The following NPTN variants were observed in gnomAD, a reference collection of about 807,000 sequenced individuals.
The protein encoded by NPTN is neuroplastin, also known as SDR-1.
Under a neutral mutation model 42.7 loss-of-function variants are expected in NPTN, and 5 were observed. The observed-to-expected ratio is 0.12, with a 90% CI of 0.06 to 0.25. NPTN has a LOEUF of 0.25. NPTN is among the 10% of genes least tolerant of loss of function. The probability of loss-of-function intolerance (pLI) is 1.00; values close to 1 mark genes in which losing one functional copy is unlikely to be tolerated. For missense variants in NPTN, 307 were observed against 525.4 expected (o/e 0.58, Z 4.06); for synonymous variants, 180 against 201.9 (o/e 0.89, Z 0.92).
chr15:73,587,717 G>A (rs984315724), intron 3 of NPTN, 99 bp from the exon 4 acceptor site: 44 of 859,168 alleles, frequency 5.1e-5, no homozygotes, highest in African/African-American at 1.3e-4. Flanking sequence ...CCTGCTCTCC[G>A]AACCCTTAAT....
At chr15:73,568,422 G>C (rs550260148) in intron 6 of NPTN, 1 of 985,384 alleles carries the variant, frequency 1.0e-6, no homozygotes, top group Non-Finnish European at 1.2e-6. Context: ...CAAAGCAAAA[G>C]CATTCTGGGG....
intron 2 of NPTN, among the ~76,000 whole-genome samples, chr15:73,595,024 C>A (rs1896768644): frequency 6.6e-6 from 1 of 151,012 alleles, no homozygotes; most frequent in Non-Finnish European, 1.5e-5. Flanking sequence ...CTTGGGTTAA[C>A]TGACTGATGG....
Position 73,602,415 on chromosome 15 carries a change from A to T in NPTN, c.92-5046T>A, listed in dbSNP as rs938706476. Reference sequence around the variant, plus strand: ...AGCGTTTCTCTCCTCTGTCTCTCTCACACACACACAAATTCAAATCGTCTA... The same window carrying T: ...AGCGTTTCTCTCCTCTGTCTCTCTCTCACACACACAAATTCAAATCGTCTA... On this transcript the variant is annotated intron_variant, in intron 1 of 8. Transcript: ENST00000345330. Among the ~76,000 whole-genome samples, 142 of 152,224 alleles carry T rather than the reference A, an allele frequency of 9.3e-4. 1 individual carries two copies. Among genetic ancestry groups the T allele is most frequent in the African/African-American group, 3.2e-3 (134 of 41,530 alleles).
chr15:73,567,471 C>T (rs1340964926), intron 6 of NPTN: 8 of 984,944 alleles, frequency 8.1e-6, no homozygotes, highest in Admixed American at 6.2e-5. Flanking sequence ...AAGGAGTGTA[C>T]GTATATATCT....
chr15:73,630,768 A>G (rs1187997451), intron 1 of NPTN, among the ~76,000 whole-genome samples: 1 of 152,224 alleles, frequency 6.6e-6, no homozygotes, highest in Non-Finnish European at 1.5e-5. Flanking sequence ...TCCCTTTTTG[A>G]AAGCACTGTA....
chr15:73,630,217 C>T (rs889808069), intron 1 of NPTN, among the ~76,000 whole-genome samples: 14 of 152,166 alleles, frequency 9.2e-5, no homozygotes, highest in African/African-American at 3.4e-4. Flanking sequence ...AGATGATGAA[C>T]TGATGAAACT....
chr15:73,569,573 C>T lies in NPTN; in HGVS notation c.1114+577G>A, dbSNP rs929123287. ...AGATGGAAAGCCACCCAGCAGAGAG[C>T]GCTGGAAACCTATCAAAGGGACCAA... On this transcript the variant is annotated intron_variant, in intron 6 of 8. Coordinates refer to ENST00000345330, the MANE Select transcript of NPTN (RefSeq NM_012428.4). The surrounding 1 kb of genome is among the most constrained non-coding windows in gnomAD (Gnocchi z 4.1). The T allele has an allele frequency of 3.2e-5, 32 of 985,286 alleles. 1 individual carries two copies. In the Admixed American group the frequency reaches 6.1e-4, roughly 19 times the overall value. 61.0% of individuals were successfully genotyped at this position (985,286 alleles called of 1,614,324 possible).
At chr15:73,562,703 A>G (rs2141346098) in intron 7 of NPTN, among the ~76,000 whole-genome samples, 1 of 152,330 alleles carries the variant, frequency 6.6e-6, no homozygotes, top group African/African-American at 2.4e-5. Context: ...TCCAGGCTAT[A>G]GTTCAGCCTC....
Position 73,569,695 on chromosome 15 carries a change from G to GT in NPTN, c.1114+454dup, listed in dbSNP as rs1428637118. ...TACAGGGGCTACACCAGGCAACCAT[G>GT]TGACAACCAGTTAGATACCTTAAAT... On this transcript the variant is annotated intron_variant, in intron 6 of 8. Transcript: ENST00000345330. The surrounding 1 kb of genome is among the most constrained non-coding windows in gnomAD (Gnocchi z 4.1). The GT allele has an allele frequency of 2.0e-6, 2 of 985,356 alleles. No homozygotes were observed. The highest frequency in any genetic ancestry group is 3.5e-5 in the African/African-American group (2 of 57,254). 61.0% of individuals were successfully genotyped at this position (985,356 alleles called of 1,614,324 possible).
chr15:73,584,157 T>A (rs1005328633), intron 4 of NPTN, among the ~76,000 whole-genome samples: 1 of 152,132 alleles, frequency 6.6e-6, no homozygotes, highest in Admixed American at 6.5e-5. Flanking sequence ...CTCAACCCCC[T>A]TCTGGGCTGG....
intron 1 of NPTN, among the ~76,000 whole-genome samples, chr15:73,600,246 G>C (rs1033921925): frequency 2.0e-5 from 3 of 152,142 alleles, no homozygotes; most frequent in African/African-American, 7.2e-5. Flanking sequence ...AATGTTCTTT[G>C]CATTAGTAAA....
intron 7 of NPTN, 140 bp downstream of exon 7, chr15:73,563,096 C>T (rs1201173826): frequency 1.5e-6 from 1 of 660,232 alleles, no homozygotes; most frequent in Admixed American, 2.6e-5. Flanking sequence ...AGATCTGTGT[C>T]AAGCTAAGAA....
At chr15:73,574,547 G>C (rs1895583751) in intron 4 of NPTN, among the ~76,000 whole-genome samples, 4 of 152,262 alleles carry the variant, frequency 2.6e-5, no homozygotes, top group South Asian at 4.1e-4. Context: ...CGAGTAACTA[G>C]AACTACAGGC....
chr15:73,633,248 C>G lies in NPTN; in HGVS notation c.-33G>C, dbSNP rs758929966. ...AGCAGAAGACCCAACAGCGAATGGG[C>G]CGGGGCCAGAGCCGGGGCCGGGGAA... On this transcript the variant is annotated 5_prime_UTR_variant, in exon 1 of 9. Transcript: ENST00000345330. The G allele has an allele frequency of 1.9e-5, 25 of 1,293,614 alleles. No individual in the cohort carries two copies. The highest frequency in any genetic ancestry group is 2.5e-5 in the Non-Finnish European group (24 of 945,188). 80.1% of individuals were successfully genotyped at this position (1,293,614 alleles called of 1,614,324 possible). A position where few individuals can be genotyped will look rare whatever the true frequency, so the allele number is the denominator to read the frequency against.
At position 73,570,579 on chromosome 15, in the gene NPTN, AC is replaced by A. The variant is rs1393358390; in HGVS notation, c.841-157del. ...TAATGATTTCCCTTCAGTATCAACA[AC>A]AACAAATCAACTTCTGACAGAGCCA... On this transcript the variant is annotated intron_variant, in intron 5 of 8. Transcript: ENST00000345330. This position sits in a 1 kb window ranked among gnomAD's most constrained non-coding sequence, Gnocchi z 4.0. Among the ~76,000 whole-genome samples, 1 of 152,242 alleles carries A rather than the reference AC, an allele frequency of 6.6e-6. No homozygotes were observed. The highest frequency in any genetic ancestry group is 1.5e-5 in the Non-Finnish European group (1 of 68,048).
At chr15:73,610,976 T>C (rs567166365) in intron 1 of NPTN, among the ~76,000 whole-genome samples, 53 of 152,318 alleles carry the variant, frequency 3.5e-4, no homozygotes, top group Non-Finnish European at 6.8e-4. Context: ...ATTTTGAATC[T>C]TGAAAAATGA....
rs750118732 is a variant in NPTN at position 73,633,246 on chromosome 15, GGCCGGGGCCAGA to G, written c.-43_-32del. 1 of 1,468,118 alleles carries G rather than the reference GGCCGGGGCCAGA, an allele frequency of 6.8e-7. No homozygotes were observed. The highest frequency in any genetic ancestry group is 1.3e-5 in the South Asian group (1 of 75,624). The allele number at this position is 1,468,118 out of a possible 1,614,324, so 90.9% of individuals were successfully genotyped here. ...CTAGCAGAAGACCCAACAGCGAATG[GGCCGGGGCCAGA>G]GCCGGGGCCGGGGAAGGGAGGGGAG... On this transcript the variant is annotated 5_prime_UTR_variant, in exon 1 of 9. Transcript: ENST00000345330.
intron 6 of NPTN, among the ~76,000 whole-genome samples, chr15:73,566,411 C>T (rs1895007660): frequency 6.6e-6 from 1 of 152,140 alleles, no homozygotes; most frequent in South Asian, 2.1e-4. Flanking sequence ...AAAGAGAGTC[C>T]CTTTGACTTG....
chr15:73,594,980 C>G (rs565275550), intron 2 of NPTN, among the ~76,000 whole-genome samples: 2 of 150,906 alleles, frequency 1.3e-5, no homozygotes, highest in South Asian at 2.1e-4. Flanking sequence ...GCAGCAGCAG[C>G]AGCAACAACC....
Sources: allele counts gnomAD v4.1 joint callset (sites outside exome capture counted in the v4.1 genomes callset), GRCh38; gene constraint gnomAD v4.1.1; non-coding constraint Gnocchi (gnomAD v3.1); transcripts MANE v1.5; gene names NCBI Gene and HGNC (gene_info 2026-07-23, HGNC 2026-07-21).